The following LCN12 variants were observed in gnomAD, a reference collection of about 807,000 sequenced individuals.
LCN12 encodes lipocalin 12.
Under a neutral mutation model 23.7 loss-of-function variants are expected in LCN12, and 15 were observed. That is an observed-to-expected ratio of 0.63 (90% CI 0.42 to 0.97). The LOEUF (loss-of-function observed/expected upper bound fraction) is 0.97, where lower values mean the gene tolerates loss of function less well. LCN12 is among the 50% of genes least tolerant of loss of function. The probability of loss-of-function intolerance (pLI) is 0.00; values close to 1 mark genes in which losing one functional copy is unlikely to be tolerated. For synonymous variants in LCN12, 116 were observed against 111.5 expected (o/e 1.04, Z -0.25); for missense variants, 219 against 249.6 (o/e 0.88, Z 0.83).
At chr9:136,953,185 A>G in intron 2 of LCN12, 157 bp downstream of exon 2, 5 of 1,042,596 alleles carry the variant, frequency 4.8e-6, no homozygotes, top group Non-Finnish European at 6.9e-6. Context: ...AGTATACAAA[A>G]AAGTGTGGGC....
intron 2 of LCN12, 65 bp downstream of exon 2, chr9:136,953,093 A>C: frequency 6.3e-7 from 1 of 1,598,526 alleles, no homozygotes; most frequent in South Asian, 1.1e-5. Flanking sequence ...CCCAGCCGCC[A>C]GTGGCTCAGG....
At chr9:136,955,207 C>T in intron 5 of LCN12, 164 bp from the exon 6 acceptor site, 2 of 1,424,356 alleles carry the variant, frequency 1.4e-6, no homozygotes, top group Non-Finnish European at 1.8e-6. Context: ...TCTCAGCCTC[C>T]CTCACCCCAG....
chr9:136,949,899 C>T (rs1312344612), upstream of LCN12, among the ~76,000 whole-genome samples: 3 of 152,180 alleles, frequency 2.0e-5, no homozygotes, highest in South Asian at 4.1e-4. Flanking sequence ...TGCTCCTCCC[C>T]GTGGCACGCA....
intron 5 of LCN12, chr9:136,954,691 T>TC: frequency 7.8e-7 from 1 of 1,287,908 alleles, no homozygotes; most frequent in Non-Finnish European, 1.0e-6. Flanking sequence ...CCCTCACCCA[T>TC]CCCTGCTCAC....
At chr9:136,953,990 C>T (rs748657656) in intron 4 of LCN12, 26 bp downstream of exon 4, 4 of 1,601,998 alleles carry the variant, frequency 2.5e-6, no homozygotes, top group Non-Finnish European at 3.4e-6. Context: ...CGTCCTGGGC[C>T]CGTGTGTGGC....
At chr9:136,955,579 A>G, downstream of LCN12, 1 of 593,714 alleles carries the variant, frequency 1.7e-6, no homozygotes, top group Non-Finnish European at 2.9e-6. Flanking sequence ...GGGCTGCAAC[A>G]GCTCCTTCTC....
chr9:136,953,942 C>T lies in LCN12; in HGVS notation c.426C>T (p.Ala142=), dbSNP rs753682089. ...CCCGCAGACACACGAGCAGGCTGGC[C>T]GTCCTCAGGATCAGCCTGCTGGGTG... is the stretch of plus-strand genomic sequence containing the variant. ...MLSRRHTSRL[A]VLRISLLGRS... is the part of the protein sequence containing the mutation. The change falls in exon 4 of 6, where the codon GCC becomes GCT. Residue 142 remains alanine, a synonymous_variant. Transcript: ENST00000371633. 17 of 1,610,488 alleles carry T rather than the reference C, an allele frequency of 1.1e-5. No individual in the cohort carries two copies. Among genetic ancestry groups the T allele is most frequent in the East Asian group, 4.5e-5 (2 of 44,896 alleles).
Position 136,953,720 on chromosome 9 carries a change from G to A in LCN12, c.272G>A (p.Trp91Ter). 1.2e-6 allele frequency: 2 copies of A among 1,600,294 alleles called. No individual in the cohort carries two copies. Among genetic ancestry groups the A allele is most frequent in the Non-Finnish European group, 1.7e-6 (2 of 1,173,562 alleles). The change falls in exon 3 of 6, where the codon TGG (tryptophan) becomes TAG (stop). Residue 91 changes from tryptophan (W) to a stop codon, truncating the protein, a stop_gained. Transcript: ENST00000371633. LOFTEE classifies it high-confidence loss of function. ...AMTRGQHCDT[W>*]SYVLIPAAQP... is the part of the protein sequence containing the mutation. ...TACAGAGGCCAGCACTGTGACACAT[G>A]GTCTTATGTGCTGATACCGGCAGCC... is the stretch of plus-strand genomic sequence containing the variant.
chr9:136,952,399 C>T lies in LCN12; in HGVS notation c.72C>T (p.Pro24=), dbSNP rs556102912. ...TCCTGCAGGCCCAGACCCCAACCCC[C>T]CTGCCACTCCCGCCCCCGATGCAGA... ...LKVLQAQTPT[P]LPLPPPMQSF... The change falls in exon 1 of 6, where the codon CCC becomes CCT. Residue 24 remains proline (P), a synonymous_variant. Coordinates refer to ENST00000371633, the MANE Select transcript of LCN12 (RefSeq NM_178536.4). The T allele has an allele frequency of 3.7e-6, 6 of 1,613,188 alleles. No individual in the cohort carries two copies. In the South Asian group the frequency reaches 5.5e-5, roughly 15 times the overall value.
chr9:136,952,411 G>C lies in LCN12; in HGVS notation c.84G>C (p.Pro28=), dbSNP rs759028522. The C allele has an allele frequency of 1.9e-6, 3 of 1,608,710 alleles. No homozygotes were observed. In the Admixed American group the frequency reaches 5.0e-5, roughly 27 times the overall value. ...AGACCCCAACCCCCCTGCCACTCCC[G>C]CCCCCGATGCAGAGCTTCCAAGGAA... is the stretch of plus-strand genomic sequence containing the variant. ...QAQTPTPLPL[P]PPMQSFQGNQ... Residue 28 remains proline, a synonymous_variant, in exon 1 of 6, where the codon CCG becomes CCC. Transcript: ENST00000371633.
upstream of LCN12, among the ~76,000 whole-genome samples, chr9:136,952,087 C>T (rs1303945356): frequency 6.6e-6 from 1 of 151,942 alleles, no homozygotes; most frequent in Non-Finnish European, 1.5e-5. Context: ...CCTGGGGGCC[C>T]CTCCTACCCC....
intron 5 of LCN12, chr9:136,954,618 C>A (rs1419153490): frequency 4.5e-6 from 4 of 879,914 alleles, no homozygotes; most frequent in Non-Finnish European, 6.5e-6. Context: ...CCTCCTCCCA[C>A]CCCAGGTCCC....
intron 2 of LCN12, among the ~76,000 whole-genome samples, chr9:136,953,283 G>A (rs2131376344): frequency 6.6e-6 from 1 of 152,060 alleles, no homozygotes; most frequent in East Asian, 1.9e-4. Flanking sequence ...CACTTCCGGG[G>A]CTGGGCGCGC....
Position 136,954,138 on chromosome 9 carries a change from G to T in LCN12, c.449-16G>T. Reference sequence around the variant, plus strand: ...TGCCAAGTGCACAGACCCATGCTGGGCTCCCTGGGCTGCAGGCAGGAGCTG... The same window carrying T: ...TGCCAAGTGCACAGACCCATGCTGGTCTCCCTGGGCTGCAGGCAGGAGCTG... On this transcript the variant is annotated splice_polypyrimidine_tract_variant and intron_variant, in intron 4 of 5. Coordinates refer to ENST00000371633, the MANE Select transcript of LCN12 (RefSeq NM_178536.4). The T allele has an allele frequency of 6.5e-7, 1 of 1,538,572 alleles. No individual in the cohort carries two copies. The highest frequency in any genetic ancestry group is 8.8e-7 in the Non-Finnish European group (1 of 1,140,006).
intron 5 of LCN12, 29 bp downstream of exon 5, chr9:136,954,284 G>A (rs1286324136): frequency 1.3e-6 from 2 of 1,553,172 alleles, no homozygotes; most frequent in Admixed American, 1.9e-5. Flanking sequence ...AGGCATGCTG[G>A]GCAGTAGGCA....
chr9:136,954,844 C>T lies in LCN12; in HGVS notation c.551-527C>T, dbSNP rs112301461. On this transcript the variant is annotated intron_variant, in intron 5 of 5. Transcript: ENST00000371633. ...AGGGCGAGGTCAGCCTGAGTCCCTCCTCTTCCTGGAGGGATGCCCACCGTG... is the reference window on the plus strand; with the variant it reads ...AGGGCGAGGTCAGCCTGAGTCCCTCTTCTTCCTGGAGGGATGCCCACCGTG... 21 of 1,264,546 alleles carry T rather than the reference C, an allele frequency of 1.7e-5. 1 individual carries two copies. The highest frequency in any genetic ancestry group is 1.5e-4 in the African/African-American group (10 of 65,436). 78.3% of individuals were successfully genotyped at this position (1,264,546 alleles called of 1,614,324 possible).
chr9:136,953,806 G>C, intron 3 of LCN12, 27 bp downstream of exon 3: 1 of 1,600,182 alleles, frequency 6.2e-7, no homozygotes, highest in Non-Finnish European at 8.5e-7. Context: ...AGGGAGGGAC[G>C]GGGTGCTGGC....
rs767231864 is a variant in LCN12, at chr9:136,953,878, T to C, written c.362T>C (p.Val121Ala). Residue 121 changes from valine (V) to alanine (A), a missense_variant, in exon 4 of 6, where the codon GTG (valine) becomes GCG (alanine). Transcript: ENST00000371633. ...EPGADREETR[V>A]VDSDYTQFAL... The stretch of plus-strand genomic sequence containing the variant: ...GGGGCGGACAGAGAGGAGACCCGGG[T>C]GGTGGACAGCGACTACACCCAGTTC... 9.3e-6 allele frequency: 15 copies of C among 1,605,974 alleles called. No homozygotes were observed. The South Asian group carries it at 1.6e-4, about 17-fold the overall frequency.
chr9:136,954,325 C>T, intron 5 of LCN12, 70 bp downstream of exon 5: 1 of 1,496,558 alleles, frequency 6.7e-7, no homozygotes, highest in Non-Finnish European at 9.1e-7. Context: ...TTGGTTGACC[C>T]TAGAGGAGCT....
Sources: allele counts gnomAD v4.1 joint callset (sites outside exome capture counted in the v4.1 genomes callset), GRCh38; gene constraint gnomAD v4.1.1; transcripts MANE v1.5; gene names NCBI Gene and HGNC (gene_info 2026-07-23, HGNC 2026-07-21).